FAM227A: variants seen among roughly 807,000 people sequenced by gnomAD.
FAM227A encodes protein FAM227A.
Under a neutral mutation model 74.7 loss-of-function variants are expected in FAM227A, and 80 were observed. That is an observed-to-expected ratio of 1.07 (90% CI 0.89 to 1.29). The LOEUF is 1.29. Ranked by LOEUF, FAM227A falls within the 50% of genes most tolerant of loss-of-function variation. The probability of loss-of-function intolerance (pLI) is 0.00; values close to 1 mark genes in which losing one functional copy is unlikely to be tolerated. For missense variants in FAM227A, 654 were observed against 683.4 expected, an observed-to-expected ratio of 0.96 and a Z score of 0.48; for synonymous variants, 237 against 241.8, an observed-to-expected ratio of 0.98 and a Z score of 0.19.
At chr22:38,597,479 C>A in intron 14 of FAM227A, 123 bp from the exon 15 acceptor site, 2 of 935,014 alleles carry the variant, frequency 2.1e-6, no homozygotes, top group South Asian at 1.4e-5. Flanking sequence ...AAATGCCCTG[C>A]GTTTCTGGAT....
At chr22:38,654,936 C>T (rs1246635839) in intron 1 of FAM227A, among the ~76,000 whole-genome samples, 3 of 147,130 alleles carry the variant, frequency 2.0e-5, no homozygotes, top group South Asian at 2.1e-4. Context: ...GGCGACAGTG[C>T]GAGACTCCAT....
chr22:38,638,776 G>A lies in FAM227A; in HGVS notation c.342C>T (p.Leu114=), dbSNP rs74496161. Reference sequence around the variant, plus strand: ...TTATAACAGAAGATCTGGCATGTCTGAGTTCGGAGCCTTTGCAGGAATACT... The same window carrying A: ...TTATAACAGAAGATCTGGCATGTCTAAGTTCGGAGCCTTTGCAGGAATACT... ...KSQYSCKGSE[L]RHARSSVIKR... is the part of the protein sequence containing the mutation. Residue 114 remains leucine (L), a synonymous_variant, in exon 5 of 17, where the codon CTC becomes CTT. Transcript: ENST00000535113. The A allele has an allele frequency of 8.1e-4, 1,261 of 1,548,120 alleles. 6 individuals carry two copies. In the African/African-American group the frequency reaches 0.016, roughly 19 times the overall value.
At chr22:38,653,525 C>T (rs948419499) in intron 1 of FAM227A, among the ~76,000 whole-genome samples, 3 of 151,860 alleles carry the variant, frequency 2.0e-5, no homozygotes, top group Non-Finnish European at 4.4e-5. Flanking sequence ...TACAGGTGCA[C>T]GCCACCATGC....
intron 12 of FAM227A, among the ~76,000 whole-genome samples, chr22:38,606,157 C>A (rs989501786): frequency 1.3e-5 from 2 of 152,066 alleles, no homozygotes; most frequent in African/African-American, 2.4e-5. Context: ...ATTATCCAAT[C>A]CAGCCAATTC....
At position 38,623,609 on chromosome 22, in the gene FAM227A, C is replaced by A. The variant is rs35090810; in HGVS notation, c.851-330G>T. 9.5e-3 allele frequency among the ~76,000 whole-genome samples: 1,452 copies of A among 152,192 alleles called. 11 individuals are homozygous for A. Among genetic ancestry groups the A allele is most frequent in the Middle Eastern group, 0.034 (10 of 294 alleles). On this transcript the variant is annotated intron_variant, in intron 9 of 16. Coordinates refer to ENST00000535113, the MANE Select transcript of FAM227A (RefSeq NM_001013647.2). Reference sequence around the variant, plus strand: ...TCATCTGAAAAACGGGGATGATGACCCTGCCCTACGTGTCAGCTGGGTGTA... The same window carrying A: ...TCATCTGAAAAACGGGGATGATGACACTGCCCTACGTGTCAGCTGGGTGTA...
At chr22:38,597,454 A>T in intron 14 of FAM227A, 98 bp from the exon 15 acceptor site, 1 of 1,171,020 alleles carries the variant, frequency 8.5e-7, no homozygotes, top group East Asian at 2.6e-5. Flanking sequence ...AGGGGCATGG[A>T]GGACAGAACA....
At chr22:38,586,871 G>C (rs1207516890) in intron 16 of FAM227A, among the ~76,000 whole-genome samples, 1 of 151,664 alleles carries the variant, frequency 6.6e-6, no homozygotes, top group East Asian at 1.9e-4. Flanking sequence ...GTAGAGACAG[G>C]GTTTCACTAT....
chr22:38,592,041 T>G (rs2090949157), intron 15 of FAM227A, among the ~76,000 whole-genome samples: 1 of 151,816 alleles, frequency 6.6e-6, no homozygotes, highest in Non-Finnish European at 1.5e-5. Flanking sequence ...TTCCGCCTCC[T>G]GGGTTCAAGC....
chr22:38,620,168 T>G, intron 11 of FAM227A, 44 bp downstream of exon 11: 1 of 1,389,582 alleles, frequency 7.2e-7, no homozygotes. Context: ...TTCCTGAAGC[T>G]TATGGGACTC....
At chr22:38,619,551 T>G (rs560291117) in intron 11 of FAM227A, among the ~76,000 whole-genome samples, 20 of 152,334 alleles carry the variant, frequency 1.3e-4, no homozygotes, top group Non-Finnish European at 1.9e-4. Flanking sequence ...CTTGGACTCC[T>G]GGTCTCAAGT....
Position 38,582,158 on chromosome 22 carries a change from G to C in FAM227A, c.*3967C>G. On this transcript the variant is annotated 3_prime_UTR_variant, in exon 17 of 17. Transcript: ENST00000535113. ...TGAGCCATTCACCACAATCAAGATA[G>C]TAGACATATCTGTCACCCCCAAAAG... The C allele has an allele frequency of 8.3e-6, 5 of 604,916 alleles. No individual in the cohort carries two copies. Among genetic ancestry groups the C allele is most frequent in the Non-Finnish European group, 1.5e-5 (5 of 343,058 alleles). The allele number at this position is 604,916 out of a possible 1,614,324, so 37.5% of individuals were successfully genotyped here. A position where few individuals can be genotyped will look rare whatever the true frequency, so the allele number is the denominator to read the frequency against.
intron 10 of FAM227A, 144 bp downstream of exon 10, chr22:38,623,028 G>T: frequency 1.6e-6 from 1 of 619,086 alleles, no homozygotes; most frequent in Non-Finnish European, 2.9e-6. Context: ...CCACAAGCAC[G>T]AAGAATTTTG....
intron 16 of FAM227A, among the ~76,000 whole-genome samples, chr22:38,588,290 G>A (rs1244186779): frequency 2.0e-5 from 3 of 152,072 alleles, no homozygotes; most frequent in South Asian, 2.1e-4. Flanking sequence ...GATTCTATAC[G>A]TTGAAAATGC....
chr22:38,586,306 C>A, intron 16 of FAM227A, 107 bp from the exon 17 acceptor site: 1 of 1,273,770 alleles, frequency 7.9e-7, no homozygotes, highest in Non-Finnish European at 1.1e-6. Context: ...TCCTTGTGTG[C>A]ATGGAATATT....
At chr22:38,625,376 G>A (rs2091775450) in intron 9 of FAM227A, among the ~76,000 whole-genome samples, 1 of 147,426 alleles carries the variant, frequency 6.8e-6, no homozygotes, top group African/African-American at 2.5e-5. Flanking sequence ...ACGACAGAGC[G>A]AGATCCGTCT....
intron 3 of FAM227A, among the ~76,000 whole-genome samples, chr22:38,640,136 C>T (rs1210382728): frequency 2.6e-5 from 4 of 152,220 alleles, no homozygotes; most frequent in African/African-American, 9.6e-5. Context: ...TGGGTTCACC[C>T]CATTCTCCTG....
intron 3 of FAM227A, among the ~76,000 whole-genome samples, chr22:38,645,028 A>C (rs1236530485): frequency 6.7e-6 from 1 of 150,064 alleles, no homozygotes; most frequent in Non-Finnish European, 1.5e-5. Flanking sequence ...CGGAGGTTGC[A>C]GTGAGCCAAC....
Position 38,633,349 on chromosome 22 carries a change from TG to T in FAM227A, c.519+3101del, listed in dbSNP as rs567617695. ...AACGTTCCTCATAGGACCTCAAAAA[TG>T]GGGCATTAAATAACATAGCAGTCTG... On this transcript the variant is annotated intron_variant, in intron 6 of 16. Transcript: ENST00000535113. Among the ~76,000 whole-genome samples the T allele has an allele frequency of 2.6e-4, 40 of 152,214 alleles. No homozygotes were observed. The South Asian group carries it at 8.3e-3, about 32-fold the overall frequency.
At chr22:38,636,067 A>C (rs2091999374) in intron 6 of FAM227A, among the ~76,000 whole-genome samples, 1 of 151,142 alleles carries the variant, frequency 6.6e-6, no homozygotes, top group Admixed American at 6.6e-5. Context: ...AAAGAAAGAA[A>C]GAAAAAAGAA....
Sources: gnomAD v4.1 joint callset for allele counts (sites outside exome capture counted in the v4.1 genomes callset) on GRCh38, gnomAD v4.1.1 for gene constraint, MANE v1.5 for transcripts, NCBI Gene and HGNC (gene_info 2026-07-23, HGNC 2026-07-21) for gene names.